KCND2: variants seen among roughly 807,000 people sequenced by gnomAD.
The protein encoded by KCND2 is potassium voltage-gated channel subfamily D member 2, also known as A-type voltage-gated potassium channel KCND2.
In KCND2, 16 loss-of-function variants were observed where a neutral mutation model predicts 54.4. The ratio of observed to expected loss-of-function variants is 0.29; its 90% CI spans 0.20 to 0.45. KCND2 has a LOEUF of 0.45. KCND2 is among the 20% of genes least tolerant of loss of function. The pLI is 1.00. For missense variants in KCND2, 486 were observed against 824.2 expected, an observed-to-expected ratio of 0.59 and a Z score of 5.02; for synonymous variants, 317 against 310.7, an observed-to-expected ratio of 1.02 and a Z score of -0.21.
intron 1 of KCND2, among the ~76,000 whole-genome samples, chr7:120,547,534 C>T (rs1459997775): frequency 6.6e-6 from 1 of 151,976 alleles, no homozygotes; most frequent in Non-Finnish European, 1.5e-5. Flanking sequence ...GCAATTAGAA[C>T]TCTCTGTTCC....
intron 1 of KCND2, among the ~76,000 whole-genome samples, chr7:120,289,546 T>A (rs1799405159): frequency 6.6e-6 from 1 of 152,058 alleles, no homozygotes; most frequent in African/African-American, 2.4e-5. Context: ...GAAAAACCTA[T>A]GTACTTAATC....
chr7:120,655,615 C>T (rs1013031214), intron 1 of KCND2, among the ~76,000 whole-genome samples: 1 of 151,994 alleles, frequency 6.6e-6, no homozygotes, highest in African/African-American at 2.4e-5. Flanking sequence ...AACTCTCATG[C>T]TCAAGTATTT....
intron 1 of KCND2, among the ~76,000 whole-genome samples, chr7:120,336,270 G>A (rs892700666): frequency 1.3e-5 from 2 of 152,042 alleles, no homozygotes; most frequent in African/African-American, 2.4e-5. Flanking sequence ...CCCCGCTTTC[G>A]CAGTCCCAAT....
At chr7:120,530,150 G>C (rs187114530) in intron 1 of KCND2, among the ~76,000 whole-genome samples, 196 of 152,240 alleles carry the variant, frequency 1.3e-3, no homozygotes, top group Non-Finnish European at 2.4e-3. Context: ...GTCAATAATA[G>C]CTTAATTGTA....
chr7:120,565,503 C>A (rs1051275662), intron 1 of KCND2, among the ~76,000 whole-genome samples: 1 of 152,030 alleles, frequency 6.6e-6, no homozygotes, highest in Non-Finnish European at 1.5e-5. Flanking sequence ...AGTATTAGTT[C>A]ATAATCTAGT....
intron 1 of KCND2, among the ~76,000 whole-genome samples, chr7:120,651,608 G>A (rs1028975226): frequency 6.6e-6 from 1 of 152,084 alleles, no homozygotes; most frequent in Non-Finnish European, 1.5e-5. Context: ...CGCTCGATGG[G>A]CTGCACCCAC....
chr7:120,542,523 CA>C (rs1479915823), intron 1 of KCND2, among the ~76,000 whole-genome samples: 2 of 152,118 alleles, frequency 1.3e-5, no homozygotes, highest in Non-Finnish European at 2.9e-5. Context: ...ACATCTACAG[CA>C]TAAGGAGTGT....
chr7:120,548,705 A>C (rs565963893), intron 1 of KCND2, among the ~76,000 whole-genome samples: 2 of 152,300 alleles, frequency 1.3e-5, no homozygotes, highest in South Asian at 4.1e-4. Flanking sequence ...TTCCCTCAGG[A>C]AGTATGTTAT....
intron 1 of KCND2, among the ~76,000 whole-genome samples, chr7:120,705,459 A>G (rs1792456107): frequency 1.3e-5 from 2 of 152,186 alleles, no homozygotes; most frequent in African/African-American, 4.8e-5. Context: ...TTCACTTTCC[A>G]GTTATGTGAC....
intron 1 of KCND2, among the ~76,000 whole-genome samples, chr7:120,590,127 T>G (rs1306969404): frequency 6.6e-6 from 1 of 152,134 alleles, no homozygotes; most frequent in Non-Finnish European, 1.5e-5. Flanking sequence ...GTTCAAGCAA[T>G]CGTGCCTCAG....
intron 1 of KCND2, among the ~76,000 whole-genome samples, chr7:120,559,923 T>C (rs1792213205): frequency 6.6e-6 from 1 of 152,142 alleles, no homozygotes; most frequent in Non-Finnish European, 1.5e-5. Flanking sequence ...AAATCCACCG[T>C]CCTTTGGAGC....
intron 1 of KCND2, among the ~76,000 whole-genome samples, chr7:120,567,220 T>G (rs1792310079): frequency 6.6e-6 from 1 of 152,134 alleles, no homozygotes; most frequent in Non-Finnish European, 1.5e-5. Context: ...AGTAGAAATG[T>G]TTTTCTTTGT....
intron 1 of KCND2, among the ~76,000 whole-genome samples, chr7:120,547,637 T>C (rs1214841112): frequency 6.6e-6 from 1 of 151,966 alleles, no homozygotes; most frequent in Non-Finnish European, 1.5e-5. Flanking sequence ...GAATAAATTA[T>C]TTACCCATCT....
At chr7:120,361,399 C>CT (rs879686467) in intron 1 of KCND2, among the ~76,000 whole-genome samples, 2,099 of 146,018 alleles carry the variant, frequency 0.014, 49 homozygotes, top group African/African-American at 0.044. Context: ...CTCTCTCTCT[C>CT]TTTTTTTTTT....
chr7:120,621,649 T>G (rs576530905), intron 1 of KCND2, among the ~76,000 whole-genome samples: 22 of 152,340 alleles, frequency 1.4e-4, no homozygotes, highest in Non-Finnish European at 2.5e-4. Flanking sequence ...TATCTGATTT[T>G]TTAAATAAAA....
chr7:120,284,892 A>C (rs891925845), intron 1 of KCND2, among the ~76,000 whole-genome samples: 37 of 152,290 alleles, frequency 2.4e-4, no homozygotes, highest in African/African-American at 7.7e-4. Flanking sequence ...CAGCATCACC[A>C]AGCAGTGTAT....
chr7:120,656,791 T>A (rs559322222), intron 1 of KCND2, among the ~76,000 whole-genome samples: 5 of 152,230 alleles, frequency 3.3e-5, no homozygotes, highest in South Asian at 2.1e-4. Context: ...AAAATTATTA[T>A]TCCCCTCAAT....
At chr7:120,466,816 C>A (rs1264416122) in intron 1 of KCND2, among the ~76,000 whole-genome samples, 3 of 152,130 alleles carry the variant, frequency 2.0e-5, no homozygotes, top group Non-Finnish European at 4.4e-5. Flanking sequence ...ACACAGGAGT[C>A]CTGCATTCCT....
chr7:120,659,090 G>C (rs1791837060), intron 1 of KCND2, among the ~76,000 whole-genome samples: 1 of 152,102 alleles, frequency 6.6e-6, no homozygotes, highest in African/African-American at 2.4e-5. Context: ...AGAAAGTCCT[G>C]GGTGCCTAAA....
Sources: gnomAD v4.1 joint callset for allele counts (sites outside exome capture counted in the v4.1 genomes callset) on GRCh38, gnomAD v4.1.1 for gene constraint, MANE v1.5 for transcripts, NCBI Gene and HGNC (gene_info 2026-07-23, HGNC 2026-07-21) for gene names.